Variants in LTBP1 observed in about 807,000 individuals in gnomAD.
LTBP1 encodes the protein latent transforming growth factor beta binding protein 1, also known as latent-transforming growth factor beta-binding protein 1.
In LTBP1, 129 loss-of-function variants were observed where a neutral mutation model predicts 207.6. The ratio of observed to expected loss-of-function variants is 0.62; its 90% confidence interval spans 0.54 to 0.72. The LOEUF (loss-of-function observed/expected upper bound fraction) is 0.72, where lower values mean the gene tolerates loss of function less well. Among genes scored for constraint, LTBP1 ranks in the 30% least tolerant of loss-of-function variants. The pLI, the probability that LTBP1 is intolerant of heterozygous loss-of-function variation, is 0.00. For missense variants in LTBP1, 2,281 were observed against 2,217.2 expected (o/e 1.03, Z -0.58); for synonymous variants, 963 against 833.7 (o/e 1.16, Z -2.67).
chr2:33,335,516 A>G (rs2094544852), intron 24 of LTBP1, among the ~76,000 whole-genome samples: 1 of 152,130 alleles, frequency 6.6e-6, no homozygotes, highest in Admixed American at 6.5e-5. Flanking sequence ...TTTTAAAAGG[A>G]TCTTTCCATA....
At chr2:33,046,190 A>G (rs1219873159) in intron 3 of LTBP1, among the ~76,000 whole-genome samples, 1 of 151,982 alleles carries the variant, frequency 6.6e-6, no homozygotes, top group Non-Finnish European at 1.5e-5. Context: ...TTGTCTTGTG[A>G]TGGTTTTCAA....
intron 3 of LTBP1, among the ~76,000 whole-genome samples, chr2:33,041,015 CT>C (rs936689428): frequency 2.0e-5 from 3 of 152,186 alleles, no homozygotes; most frequent in Non-Finnish European, 4.4e-5. Context: ...TAATACCTTC[CT>C]TTTATAGATC....
At chr2:33,162,240 T>A (rs2084531985) in intron 5 of LTBP1, among the ~76,000 whole-genome samples, 1 of 152,240 alleles carries the variant, frequency 6.6e-6, no homozygotes. Flanking sequence ...TTTGTTCATA[T>A]GTATGTGAAT....
chr2:33,110,767 T>G lies in LTBP1; in HGVS notation c.1033+16T>G, dbSNP rs564031844. 1.1e-5 allele frequency: 18 copies of G among 1,608,050 alleles called. 1 individual carries two copies. The highest frequency in any genetic ancestry group is 3.3e-4 in the Middle Eastern group (2 of 6,038). Reference sequence around the variant, plus strand: ...CCTTTTCAGCGTGAGTATAGTCTTATCAACCATTTTCCCAAGTTATGGTAT... The same window carrying G: ...CCTTTTCAGCGTGAGTATAGTCTTAGCAACCATTTTCCCAAGTTATGGTAT... On this transcript the variant is annotated intron_variant, in intron 4 of 33. Coordinates refer to ENST00000404816, the MANE Select transcript of LTBP1 (RefSeq NM_206943.4).
At chr2:33,362,452 T>G (rs2094937576) in intron 28 of LTBP1, among the ~76,000 whole-genome samples, 1 of 152,190 alleles carries the variant, frequency 6.6e-6, no homozygotes, top group African/African-American at 2.4e-5. Context: ...TTTGCAGGGA[T>G]GTAGTTAAAT....
At chr2:33,326,308 C>A (rs947360374) in intron 24 of LTBP1, among the ~76,000 whole-genome samples, 4 of 152,330 alleles carry the variant, frequency 2.6e-5, no homozygotes, top group African/African-American at 9.6e-5. Context: ...ACATGCCCAG[C>A]ACAAACTGCG....
chr2:33,356,917 G>A (rs1027513593), intron 26 of LTBP1, among the ~76,000 whole-genome samples: 39 of 152,216 alleles, frequency 2.6e-4, no homozygotes, highest in African/African-American at 7.9e-4. Context: ...TATAGGCAGC[G>A]TTTCTTTGGG....
intron 2 of LTBP1, among the ~76,000 whole-genome samples, chr2:32,986,150 G>A (rs774351606): frequency 2.9e-4 from 44 of 152,146 alleles, no homozygotes; most frequent in Non-Finnish European, 5.4e-4. Flanking sequence ...GATGAGTGTT[G>A]TAAACATAGA....
chr2:33,297,719 C>T (rs180941252), intron 20 of LTBP1, among the ~76,000 whole-genome samples: 180 of 152,178 alleles, frequency 1.2e-3, no homozygotes, highest in African/African-American at 4.1e-3. Context: ...CCATTACACC[C>T]GGCCCTGCCT....
intron 7 of LTBP1, among the ~76,000 whole-genome samples, chr2:33,216,363 GAC>G (rs1340984829): frequency 6.6e-6 from 1 of 152,162 alleles, no homozygotes; most frequent in African/African-American, 2.4e-5. Flanking sequence ...GTTCCAGCCA[GAC>G]ATGCTCCTTT....
chr2:33,393,560 C>G (rs1165657275), intron 32 of LTBP1, among the ~76,000 whole-genome samples: 2 of 151,478 alleles, frequency 1.3e-5, no homozygotes, highest in Non-Finnish European at 2.9e-5. Context: ...TCTGTCCTTG[C>G]AATAGTTTGC....
intron 4 of LTBP1, among the ~76,000 whole-genome samples, chr2:33,130,722 G>A (rs1234740407): frequency 1.3e-5 from 2 of 152,042 alleles, no homozygotes; most frequent in African/African-American, 4.8e-5. Flanking sequence ...TCTGGCAGAC[G>A]CTGCAGACAG....
At chr2:33,286,125 T>A (rs951516076) in intron 19 of LTBP1, among the ~76,000 whole-genome samples, 3 of 152,236 alleles carry the variant, frequency 2.0e-5, no homozygotes, top group African/African-American at 7.2e-5. Context: ...CAGTTTGTGA[T>A]AGAACTTGAG....
intron 22 of LTBP1, among the ~76,000 whole-genome samples, chr2:33,306,458 T>TA (rs1411402450): frequency 3.3e-5 from 5 of 151,896 alleles, no homozygotes; most frequent in African/African-American, 9.7e-5. Context: ...TAATCCCAGC[T>TA]ACTGGGGAGG....
At chr2:33,102,428 T>A (rs2150150631) in intron 3 of LTBP1, among the ~76,000 whole-genome samples, 1 of 152,296 alleles carries the variant, frequency 6.6e-6, no homozygotes, top group East Asian at 1.9e-4. Context: ...CAGCCCCTGG[T>A]TAAGAACCAC....
intron 3 of LTBP1, among the ~76,000 whole-genome samples, chr2:33,071,529 A>G (rs1484492556): frequency 6.6e-6 from 1 of 152,220 alleles, no homozygotes; most frequent in African/African-American, 2.4e-5. Context: ...AGGTGGCTGC[A>G]GAATGGATTT....
chr2:33,312,336 A>G (rs1282884448), intron 23 of LTBP1, among the ~76,000 whole-genome samples: 1 of 152,198 alleles, frequency 6.6e-6, no homozygotes, highest in Admixed American at 6.6e-5. Context: ...TCAGTAAGGC[A>G]TTTTCAGTTG....
At chr2:32,983,609 G>A (rs944673471) in intron 2 of LTBP1, among the ~76,000 whole-genome samples, 11 of 152,178 alleles carry the variant, frequency 7.2e-5, no homozygotes, top group Non-Finnish European at 1.6e-4. Flanking sequence ...GGGACCTGGT[G>A]GGAAGTAATT....
intron 4 of LTBP1, among the ~76,000 whole-genome samples, chr2:33,125,900 G>C (rs978544059): frequency 1.3e-5 from 2 of 152,042 alleles, no homozygotes; most frequent in Admixed American, 6.6e-5. Flanking sequence ...AGTTTCTGTG[G>C]TTCAGGAATT....
Sources: gnomAD v4.1 joint callset for allele counts (sites outside exome capture counted in the v4.1 genomes callset) on GRCh38, gnomAD v4.1.1 for gene constraint, MANE v1.5 for transcripts, NCBI Gene and HGNC (gene_info 2026-07-23, HGNC 2026-07-21) for gene names.